CCDC7: variants seen among roughly 807,000 people sequenced by gnomAD.
CCDC7 encodes the protein coiled-coil domain containing 7.
In CCDC7, 183 loss-of-function variants were observed where a neutral mutation model predicts 196.9. The ratio of observed to expected loss-of-function variants is 0.93; its 90% CI spans 0.82 to 1.05. The LOEUF (loss-of-function observed/expected upper bound fraction) is 1.05, where lower values mean the gene tolerates loss of function less well. Ranked by LOEUF, CCDC7 falls within the 50% of genes least tolerant of loss-of-function variation. The pLI is 0.00. For synonymous variants in CCDC7, 525 were observed against 484.6 expected, an observed-to-expected ratio of 1.08 and a Z score of -1.10; for missense variants, 1,540 against 1,482.2, an observed-to-expected ratio of 1.04 and a Z score of -0.64.
At chr10:32,454,291 G>T (rs770269332) in intron 2 of CCDC7, among the ~76,000 whole-genome samples, 1 of 152,042 alleles carries the variant, frequency 6.6e-6, no homozygotes, top group Non-Finnish European at 1.5e-5. Flanking sequence ...CTATTAAAAG[G>T]ACTATGTAAT....
At chr10:32,514,074 A>C (rs1290921423) in intron 9 of CCDC7, 2 of 152,262 alleles carry the variant, frequency 1.3e-5, no homozygotes, top group African/African-American at 2.4e-5. Context: ...GATTTTAGAT[A>C]TAAAAACATC....
At chr10:32,827,245 G>A (rs2091262567) in intron 32 of CCDC7, among the ~76,000 whole-genome samples, 1 of 152,180 alleles carries the variant, frequency 6.6e-6, no homozygotes, top group South Asian at 2.1e-4. Flanking sequence ...ACTCACCAAG[G>A]CTGATCTGGC....
At chr10:32,460,684 C>T (rs2035439295) in intron 3 of CCDC7, among the ~76,000 whole-genome samples, 1 of 152,130 alleles carries the variant, frequency 6.6e-6, no homozygotes, top group African/African-American at 2.4e-5. Flanking sequence ...CATTAATTTG[C>T]TTTGGTATAT....
chr10:32,814,419 G>A, exon 31 of CCDC7: 3 of 1,612,260 alleles, frequency 1.9e-6, no homozygotes, highest in Non-Finnish European at 2.5e-6. Flanking sequence ...ATATACTAAA[G>A]GATGAATTCA....
intron 28 of CCDC7, among the ~76,000 whole-genome samples, chr10:32,741,057 G>C (rs1219849926): frequency 3.3e-5 from 5 of 151,904 alleles, no homozygotes; most frequent in Non-Finnish European, 7.4e-5. Context: ...TACTTTAATA[G>C]TTCATAGCAC....
chr10:32,557,227 T>C (rs1304065415), intron 13 of CCDC7, among the ~76,000 whole-genome samples: 1 of 134,428 alleles, frequency 7.4e-6, no homozygotes, highest in Non-Finnish European at 1.8e-5. Context: ...AAAATCATCA[T>C]TTCCTTTTGT....
chr10:32,737,957 T>G (rs1305318918), intron 28 of CCDC7, among the ~76,000 whole-genome samples: 1 of 152,216 alleles, frequency 6.6e-6, no homozygotes, highest in East Asian at 1.9e-4. Flanking sequence ...TCAGATTTTT[T>G]TATTCACCTA....
At chr10:32,854,823 A>G (rs1476165729) in intron 41 of CCDC7, among the ~76,000 whole-genome samples, 1 of 152,196 alleles carries the variant, frequency 6.6e-6, no homozygotes, top group Non-Finnish European at 1.5e-5. Context: ...CGATTCCTCT[A>G]CAGAATAACA....
chr10:32,881,732 G>A (rs945718877), downstream of CCDC7, among the ~76,000 whole-genome samples: 4 of 150,966 alleles, frequency 2.6e-5, no homozygotes, highest in African/African-American at 4.9e-5. Context: ...TTCTTTACCC[G>A]CCCCCCACAC....
intron 20 of CCDC7, among the ~76,000 whole-genome samples, chr10:32,659,422 TTTG>T (rs1453671809): frequency 1.3e-5 from 2 of 152,336 alleles, no homozygotes; most frequent in East Asian, 3.9e-4. Context: ...CCTTCTAAAA[TTTG>T]TTAAGACTTA....
intron 28 of CCDC7, among the ~76,000 whole-genome samples, chr10:32,771,273 A>G (rs1330220111): frequency 1.3e-5 from 2 of 152,172 alleles, no homozygotes; most frequent in African/African-American, 4.8e-5. Flanking sequence ...GGTAGTGACA[A>G]ATTTCCTCAG....
intron 28 of CCDC7, among the ~76,000 whole-genome samples, chr10:32,762,146 G>C (rs1057136799): frequency 6.6e-6 from 1 of 151,900 alleles, no homozygotes; most frequent in Non-Finnish European, 1.5e-5. Context: ...TAAAGGGTTT[G>C]GACCACATAT....
At chr10:32,563,343 T>G (rs2056131823) in intron 13 of CCDC7, among the ~76,000 whole-genome samples, 1 of 152,056 alleles carries the variant, frequency 6.6e-6, no homozygotes, top group Admixed American at 6.6e-5. Flanking sequence ...CATTGCCAAG[T>G]CAATCCTAAG....
At chr10:32,719,161 T>G (rs187255045) in intron 25 of CCDC7, among the ~76,000 whole-genome samples, 133 of 152,304 alleles carry the variant, frequency 8.7e-4, no homozygotes, top group African/African-American at 3.2e-3. Flanking sequence ...AGCATGGTAC[T>G]GGTACCAAAA....
chr10:32,758,030 C>A (rs985608988), intron 28 of CCDC7, among the ~76,000 whole-genome samples: 1 of 152,112 alleles, frequency 6.6e-6, no homozygotes, highest in African/African-American at 2.4e-5. Flanking sequence ...GGCACATACA[C>A]CCGCCCAAGA....
chr10:32,863,672 T>C (rs772253462), intron 41 of CCDC7, among the ~76,000 whole-genome samples: 3 of 151,984 alleles, frequency 2.0e-5, no homozygotes, highest in Non-Finnish European at 4.4e-5. Context: ...CTTCAATAAA[T>C]GGTGCTGGGA....
intron 18 of CCDC7, among the ~76,000 whole-genome samples, chr10:32,626,629 T>A (rs1182836794): frequency 6.6e-6 from 1 of 152,056 alleles, no homozygotes; most frequent in East Asian, 1.9e-4. Flanking sequence ...ATAAAAAAAA[T>A]TGCCTACACC....
At chr10:32,546,287 C>T (rs1475900062) in intron 13 of CCDC7, among the ~76,000 whole-genome samples, 1 of 152,168 alleles carries the variant, frequency 6.6e-6, no homozygotes, top group Non-Finnish European at 1.5e-5. Context: ...CTTATCAAGT[C>T]ACTTAAAAAT....
At chr10:32,539,480 G>A (rs1160221803) in intron 11 of CCDC7, among the ~76,000 whole-genome samples, 1 of 151,630 alleles carries the variant, frequency 6.6e-6, no homozygotes, top group African/African-American at 2.4e-5. Flanking sequence ...CCAATTTCTG[G>A]ATCTGTTGAT....
Sources: allele counts gnomAD v4.1 joint callset (sites outside exome capture counted in the v4.1 genomes callset), GRCh38; gene constraint gnomAD v4.1.1; transcripts MANE v1.5; gene names NCBI Gene and HGNC (gene_info 2026-07-23, HGNC 2026-07-21).